Variants in CCNI observed in about 807,000 individuals in gnomAD.
The protein encoded by CCNI is cyclin-I.
A neutral mutation model predicts 34.1 loss-of-function variants in CCNI; 14 were observed. The ratio of observed to expected loss-of-function variants is 0.41; its 90% CI spans 0.27 to 0.64. The LOEUF (loss-of-function observed/expected upper bound fraction) is 0.64. Among genes scored for constraint, CCNI ranks in the 30% least tolerant of loss-of-function variants. The pLI is 0.31. For missense variants in CCNI, 385 were observed against 440.5 expected (o/e 0.87, Z 1.13); for synonymous variants, 154 against 158.4 (o/e 0.97, Z 0.21).
At chr4:77,061,469 T>C (rs995444739) in intron 2 of CCNI, among the ~76,000 whole-genome samples, 2 of 152,176 alleles carry the variant, frequency 1.3e-5, no homozygotes, top group Non-Finnish European at 2.9e-5. Context: ...TTATAATGGA[T>C]TGATCAAACA....
At chr4:77,074,299 T>C (rs921063011) in intron 1 of CCNI, among the ~76,000 whole-genome samples, 11 of 152,184 alleles carry the variant, frequency 7.2e-5, no homozygotes, top group African/African-American at 2.7e-4. Context: ...AAATTTCTAG[T>C]AGAGGGGCTC....
chr4:77,074,490 T>G (rs960972211), intron 1 of CCNI, among the ~76,000 whole-genome samples: 1 of 152,214 alleles, frequency 6.6e-6, no homozygotes, highest in African/African-American at 2.4e-5. Flanking sequence ...CCACACAGCG[T>G]AGAATCAGAC....
At chr4:77,066,553 A>G in intron 1 of CCNI, 148 bp from the exon 2 acceptor site, 1 of 560,896 alleles carries the variant, frequency 1.8e-6, no homozygotes, top group Non-Finnish European at 3.1e-6. Flanking sequence ...TTAAAATACC[A>G]AAATAATCAG....
rs1380747872 is a variant in CCNI at position 77,048,260 on chromosome 4, C to A, written c.1093G>T (p.Ala365Ser). 6.2e-7 allele frequency: 1 copy of A among 1,613,962 alleles called. No homozygotes were observed. The highest frequency in any genetic ancestry group is 8.5e-7 in the Non-Finnish European group (1 of 1,179,992). ...GTDLSRQEGHASPCPPLQPVS... is the reference protein window; with the variant it reads ...GTDLSRQEGHSSPCPPLQPVS... Reference sequence around the variant, plus strand: ...GGCTGCAAAGGTGGACAAGGGGAAGCATGTCCCTCTTGTCTTGATAAATCA... The same window carrying A: ...GGCTGCAAAGGTGGACAAGGGGAAGAATGTCCCTCTTGTCTTGATAAATCA... The change falls in exon 7 of 7, where the codon GCT (alanine) becomes TCT (serine). Residue 365 changes from alanine to serine, a missense_variant. Around this residue, in one of 2 missense-constraint regions of CCNI, gnomAD observed 250 missense variants for 248.7 expected, o/e 1.01. Coordinates refer to ENST00000237654, the MANE Select transcript of CCNI (RefSeq NM_006835.3).
intron 3 of CCNI, 62 bp downstream of exon 3, chr4:77,058,445 C>T (rs889226893): frequency 1.5e-6 from 2 of 1,334,306 alleles, no homozygotes; most frequent in South Asian, 1.3e-5. Flanking sequence ...CACTAATAGC[C>T]TCTAGTTTAG....
In CCNI at chr4:77,058,761, C is replaced by A. The variant is rs1728407429; in HGVS notation, c.115-126G>T. The A allele has an allele frequency of 8.3e-6, 6 of 721,886 alleles. No individual in the cohort carries two copies. The South Asian group carries it at 1.0e-4, about 13-fold the overall frequency. The allele number at this position is 721,886 out of a possible 1,614,324, so 44.7% of individuals were successfully genotyped here. The stretch of plus-strand genomic sequence containing the variant: ...TATATTTAAAAATGTTAAGGTTATT[C>A]AAAATCTATCAGACTTGAGACACAT... On this transcript the variant is annotated intron_variant, in intron 2 of 6. Transcript: ENST00000237654.
intron 1 of CCNI, among the ~76,000 whole-genome samples, chr4:77,073,561 T>C (rs1729654629): frequency 6.6e-6 from 1 of 152,228 alleles, no homozygotes; most frequent in Admixed American, 6.5e-5. Flanking sequence ...TCCTTGACTT[T>C]ATGCACTAGA....
chr4:77,059,257 T>G (rs866423025), intron 2 of CCNI, among the ~76,000 whole-genome samples: 2 of 152,010 alleles, frequency 1.3e-5, no homozygotes, highest in Non-Finnish European at 2.9e-5. Context: ...TGTAAGCCTA[T>G]TGAGTATAAG....
At chr4:77,068,573 G>GAAA (rs750859081) in intron 1 of CCNI, among the ~76,000 whole-genome samples, 7 of 152,176 alleles carry the variant, frequency 4.6e-5, no homozygotes, top group Non-Finnish European at 1.0e-4. Flanking sequence ...AAAAGGGTGA[G>GAAA]AAAGGCCTAG....
At chr4:77,065,237 T>C (rs1338427757) in intron 2 of CCNI, among the ~76,000 whole-genome samples, 1 of 152,218 alleles carries the variant, frequency 6.6e-6, no homozygotes, top group East Asian at 1.9e-4. Flanking sequence ...AAGCAAAGGA[T>C]AGCCTAAAAC....
Position 77,075,894 on chromosome 4 carries a change from GA to G in CCNI, c.-467del, listed in dbSNP as rs71767036. The G allele has an allele frequency of 0.19, 14,737 of 78,506 alleles. 990 individuals are homozygous for G. Among genetic ancestry groups the G allele is most frequent in the South Asian group, 0.29 (743 of 2,540 alleles). 4.9% of individuals were successfully genotyped at this position (78,506 alleles called of 1,614,324 possible). ...AAGGGGGGGAGGGGAGAAAAGAAAA[GA>G]AAAAAAAAAAAAGAAAGGGGAAAGG... On this transcript the variant is annotated 5_prime_UTR_variant, in exon 1 of 7. Coordinates refer to ENST00000237654, the MANE Select transcript of CCNI (RefSeq NM_006835.3).
intron 6 of CCNI, among the ~76,000 whole-genome samples, chr4:77,051,995 G>A (rs1388822755): frequency 1.3e-5 from 2 of 150,802 alleles, no homozygotes; most frequent in East Asian, 3.9e-4. Flanking sequence ...CTTTTAGATG[G>A]TACATGTGCA....
chr4:77,054,335 A>C (rs1728065730), intron 6 of CCNI, among the ~76,000 whole-genome samples: 1 of 152,234 alleles, frequency 6.6e-6, no homozygotes, highest in Non-Finnish European at 1.5e-5. Context: ...AATCCAATAA[A>C]ACAAATCAGA....
intron 2 of CCNI, among the ~76,000 whole-genome samples, 169 bp from the exon 3 acceptor site, chr4:77,058,804 A>G (rs555150288): frequency 0.058 from 8,759 of 152,246 alleles, 848 homozygotes; most frequent in African/African-American, 0.2. Flanking sequence ...AACTTTATGT[A>G]TTATCACATT....
chr4:77,056,128 A>G (rs4252900), intron 4 of CCNI, 26 bp from the exon 5 acceptor site: 22,732 of 1,609,634 alleles, frequency 0.014, 199 homozygotes, highest in Non-Finnish European at 0.017. Flanking sequence ...GGGAACAGGG[A>G]CAGGGAGAAA....
intron 1 of CCNI, among the ~76,000 whole-genome samples, chr4:77,068,263 T>G (rs1729197926): frequency 6.6e-6 from 1 of 152,090 alleles, no homozygotes; most frequent in South Asian, 2.1e-4. Flanking sequence ...GGTAATTAAC[T>G]TCAGAAAAAA....
chr4:77,049,673 CTCTG>C (rs1231342720), intron 6 of CCNI, among the ~76,000 whole-genome samples: 1 of 143,032 alleles, frequency 7.0e-6, no homozygotes, highest in African/African-American at 2.8e-5. Flanking sequence ...CAGAGCAAGA[CTCTG>C]TCTTAAAAAA....
At chr4:77,067,790 TAAAAAAA>T (rs375815113) in intron 1 of CCNI, among the ~76,000 whole-genome samples, 3,265 of 98,632 alleles carry the variant, frequency 0.033, 183 homozygotes, top group African/African-American at 0.13. Context: ...CTTCTAGGTT[TAAAAAAA>T]AAAAAAAAAA....
intron 1 of CCNI, among the ~76,000 whole-genome samples, chr4:77,073,907 GCTTA>G (rs1560788422): frequency 1.3e-5 from 2 of 152,278 alleles, no homozygotes; most frequent in South Asian, 4.1e-4. Flanking sequence ...AGCACTGAGT[GCTTA>G]CTATTTGACT....
Sources: gnomAD v4.1 joint callset for allele counts (sites outside exome capture counted in the v4.1 genomes callset) on GRCh38, gnomAD v4.1.1 for gene constraint, gnomAD v4.1.1 regional missense constraint, MANE v1.5 for transcripts, NCBI Gene and HGNC (gene_info 2026-07-23, HGNC 2026-07-21) for gene names.